Variants in BTRC observed in about 807,000 individuals in gnomAD.
The protein encoded by BTRC is F-box/WD repeat-containing protein 1A.
In BTRC, 42 loss-of-function variants were observed where a neutral mutation model predicts 85.5. The ratio of observed to expected loss-of-function variants is 0.49; its 90% CI spans 0.38 to 0.64. The LOEUF (loss-of-function observed/expected upper bound fraction) is 0.64. Among genes scored for constraint, BTRC ranks in the 30% least tolerant of loss-of-function variants. The probability of loss-of-function intolerance (pLI) is 0.00; values close to 1 mark genes in which losing one functional copy is unlikely to be tolerated. For missense variants in BTRC, 594 were observed against 743.5 expected, an observed-to-expected ratio of 0.80 and a Z score of 2.34; for synonymous variants, 255 against 263.3, an observed-to-expected ratio of 0.97 and a Z score of 0.30.
chr10:101,359,305 G>T (rs1942132612), intron 1 of BTRC, among the ~76,000 whole-genome samples: 1 of 152,184 alleles, frequency 6.6e-6, no homozygotes, highest in South Asian at 2.1e-4. Context: ...AGTTTAAGTT[G>T]TCTGAGTTTT....
intron 14 of BTRC, among the ~76,000 whole-genome samples, chr10:101,552,178 CATTTTATTTT>C (rs1197871533): frequency 6.6e-6 from 1 of 150,408 alleles, no homozygotes; most frequent in Non-Finnish European, 1.5e-5. Flanking sequence ...TATTTTATTT[CATTTTATTTT>C]ATTTTATTTT....
At chr10:101,383,190 A>C (rs533235749) in intron 1 of BTRC, among the ~76,000 whole-genome samples, 4 of 149,668 alleles carry the variant, frequency 2.7e-5, no homozygotes, top group South Asian at 2.1e-4. Context: ...CAGCCTCCTT[A>C]GTAGCTGGGA....
intron 2 of BTRC, among the ~76,000 whole-genome samples, chr10:101,437,654 T>C (rs1251971155): frequency 6.6e-6 from 1 of 152,176 alleles, no homozygotes. Flanking sequence ...TAATACTGAT[T>C]TTGGTCACTG....
intron 3 of BTRC, among the ~76,000 whole-genome samples, chr10:101,462,763 T>C (rs989114840): frequency 1.3e-5 from 2 of 151,914 alleles, no homozygotes; most frequent in Admixed American, 1.3e-4. Flanking sequence ...TACCATTGTG[T>C]TCTTGTAAAA....
At chr10:101,446,109 C>G (rs142883450) in intron 2 of BTRC, among the ~76,000 whole-genome samples, 11 of 130,892 alleles carry the variant, frequency 8.4e-5, no homozygotes, top group East Asian at 8.2e-4. Context: ...CTTCCCCCCC[C>G]ACCCCCCCAA....
chr10:101,425,626 CT>C (rs59643321), intron 1 of BTRC, among the ~76,000 whole-genome samples: 53,225 of 139,604 alleles, frequency 0.38, 10,243 homozygotes, highest in Middle Eastern at 0.49. Context: ...TTAAAACCTG[CT>C]TTTTTTTTTT....
chr10:101,379,702 C>T (rs1020370301), intron 1 of BTRC, among the ~76,000 whole-genome samples: 1 of 151,956 alleles, frequency 6.6e-6, no homozygotes, highest in Non-Finnish European at 1.5e-5. Flanking sequence ...CTGTTACAGT[C>T]TCTGTAACAA....
At chr10:101,509,285 C>T (rs1169875252) in intron 4 of BTRC, among the ~76,000 whole-genome samples, 10 of 110,854 alleles carry the variant, frequency 9.0e-5, no homozygotes, top group African/African-American at 1.5e-4. Context: ...GACAGAGTCT[C>T]GCTCTGTCGC....
intron 1 of BTRC, among the ~76,000 whole-genome samples, chr10:101,355,329 AGT>A (rs576885849): frequency 3.3e-5 from 5 of 152,354 alleles, no homozygotes; most frequent in Admixed American, 3.3e-4. Flanking sequence ...GTTGAAGCAC[AGT>A]GTGAGCAAAG....
intron 4 of BTRC, among the ~76,000 whole-genome samples, chr10:101,507,778 A>G (rs1041325802): frequency 2.3e-4 from 35 of 152,224 alleles, no homozygotes; most frequent in African/African-American, 8.0e-4. Flanking sequence ...TGCAGTGCAG[A>G]GGCACCCCGG....
At chr10:101,442,390 A>G (rs919878979) in intron 2 of BTRC, among the ~76,000 whole-genome samples, 1 of 151,192 alleles carries the variant, frequency 6.6e-6, no homozygotes, top group Non-Finnish European at 1.5e-5. Context: ...CTGTGCTGCT[A>G]TCTAATGGCA....
intron 3 of BTRC, among the ~76,000 whole-genome samples, chr10:101,476,918 A>G (rs1945704555): frequency 6.6e-6 from 1 of 152,168 alleles, no homozygotes; most frequent in Admixed American, 6.5e-5. Context: ...ACTAACGTCA[A>G]CTGGGGCCTT....
At chr10:101,421,618 C>T (rs1171219112) in intron 1 of BTRC, among the ~76,000 whole-genome samples, 2 of 91,142 alleles carry the variant, frequency 2.2e-5, no homozygotes, top group Non-Finnish European at 4.1e-5. Flanking sequence ...CCTCCCCCCT[C>T]CCCCCTCCCC....
intron 4 of BTRC, among the ~76,000 whole-genome samples, chr10:101,505,777 T>A (rs1564812866): frequency 6.6e-6 from 1 of 152,000 alleles, no homozygotes; most frequent in South Asian, 2.2e-4. Context: ...CTGTAAATGC[T>A]ATTTTTAGAA....
chr10:101,372,946 T>C (rs1191729434), intron 1 of BTRC, among the ~76,000 whole-genome samples: 1 of 152,174 alleles, frequency 6.6e-6, no homozygotes. Flanking sequence ...CATATATAAG[T>C]TTTGGGAGAG....
intron 3 of BTRC, among the ~76,000 whole-genome samples, chr10:101,469,771 C>T (rs1945473282): frequency 6.6e-6 from 1 of 152,168 alleles, no homozygotes; most frequent in South Asian, 2.1e-4. Flanking sequence ...TTATTTTCTG[C>T]ACCACCAATG....
intron 6 of BTRC, among the ~76,000 whole-genome samples, chr10:101,530,999 C>T (rs1444379894): frequency 6.6e-6 from 1 of 152,094 alleles, no homozygotes; most frequent in African/African-American, 2.4e-5. Flanking sequence ...ATGGTGAAAC[C>T]CCATCTCTAC....
chr10:101,506,580 AGT>A (rs1477249878), intron 4 of BTRC, among the ~76,000 whole-genome samples: 2 of 152,214 alleles, frequency 1.3e-5, no homozygotes, highest in African/African-American at 4.8e-5. Context: ...GGTTATAAAA[AGT>A]GTAACAGTCA....
chr10:101,486,582 A>G (rs1283506441), intron 4 of BTRC, among the ~76,000 whole-genome samples: 10 of 152,150 alleles, frequency 6.6e-5, no homozygotes, highest in Non-Finnish European at 1.5e-4. Context: ...GGAGGTGGGG[A>G]AAAGAGTGTG....
Sources: gnomAD v4.1 joint callset for allele counts (sites outside exome capture counted in the v4.1 genomes callset) on GRCh38, gnomAD v4.1.1 for gene constraint, MANE v1.5 for transcripts, NCBI Gene and HGNC (gene_info 2026-07-23, HGNC 2026-07-21) for gene names.